The following PCDH11X variants were observed in gnomAD, a reference collection of about 807,000 sequenced individuals.
PCDH11X encodes protocadherin 11 X-linked.
In PCDH11X, 18 loss-of-function variants were observed where a neutral mutation model predicts 53.3. The ratio of observed to expected loss-of-function variants is 0.34; its 90% CI spans 0.23 to 0.50. The LOEUF (loss-of-function observed/expected upper bound fraction) is 0.50, where lower values mean the gene tolerates loss of function less well. PCDH11X is among the 20% of genes least tolerant of loss of function. The pLI is 0.98. For synonymous variants in PCDH11X, 279 were observed against 393.3 expected (o/e 0.71, Z 3.44); for missense variants, 570 against 1,032.4 (o/e 0.55, Z 6.14).
At chrX:91,907,980 T>C (rs1339232668) in intron 6 of PCDH11X, among the ~76,000 whole-genome samples, 3 of 111,924 alleles carry the variant, frequency 2.7e-5, no homozygotes, top group African/African-American at 6.5e-5. Context: ...TTTTTATGCC[T>C]GCATAGTGTT....
At chrX:92,293,578 G>A (rs764247213) in intron 8 of PCDH11X, among the ~76,000 whole-genome samples, 17 of 103,165 alleles carry the variant, frequency 1.6e-4, no homozygotes, top group African/African-American at 4.9e-4. Context: ...AGCCGAGATC[G>A]CGCCACTGCA....
chrX:92,547,060 A>G, intron 10 of PCDH11X, among the ~76,000 whole-genome samples: 1 of 108,320 alleles, frequency 9.2e-6, no homozygotes, highest in Non-Finnish European at 1.9e-5. Context: ...GCATGGACAT[A>G]TTTACTGCAC....
intron 6 of PCDH11X, among the ~76,000 whole-genome samples, chrX:92,061,699 G>A (rs2063526241): frequency 9.1e-6 from 1 of 110,326 alleles, no homozygotes; most frequent in Admixed American, 9.7e-5. Context: ...AGTTACTGTA[G>A]CCATATAGTA....
At chrX:91,938,462 G>T (rs1320758078) in intron 6 of PCDH11X, among the ~76,000 whole-genome samples, 2 of 106,551 alleles carry the variant, frequency 1.9e-5, no homozygotes, top group Admixed American at 1.0e-4. Context: ...AGATAATCCA[G>T]GTGGAGCCTG....
chrX:92,533,298 T>C (rs1390251444), intron 10 of PCDH11X, among the ~76,000 whole-genome samples: 2 of 111,106 alleles, frequency 1.8e-5, no homozygotes, highest in Non-Finnish European at 3.8e-5. Flanking sequence ...CTCTAGGAAG[T>C]TGAGGTCTAC....
chrX:92,438,998 A>G (rs965225260), intron 9 of PCDH11X, among the ~76,000 whole-genome samples: 3 of 111,444 alleles, frequency 2.7e-5, no homozygotes, highest in South Asian at 3.7e-4. Context: ...ACTTGGATGT[A>G]TATGTCATGA....
intron 10 of PCDH11X, among the ~76,000 whole-genome samples, chrX:92,599,297 A>C (rs1925978453): frequency 8.9e-6 from 1 of 111,844 alleles, no homozygotes; most frequent in Non-Finnish European, 1.9e-5. Context: ...AAAACATCTT[A>C]TGTGCTCTGA....
At chrX:92,027,344 C>T (rs2062983743) in intron 6 of PCDH11X, among the ~76,000 whole-genome samples, 1 of 111,308 alleles carries the variant, frequency 9.0e-6, no homozygotes, top group Non-Finnish European at 1.9e-5. Flanking sequence ...AATGCGTTTA[C>T]AGTAGCCAAA....
chrX:92,173,550 A>G (rs1219632201), intron 6 of PCDH11X, among the ~76,000 whole-genome samples: 2 of 109,492 alleles, frequency 1.8e-5, no homozygotes, highest in Non-Finnish European at 3.8e-5. Flanking sequence ...TGACTTCAAC[A>G]TACACCAGAG....
At chrX:92,364,861 C>G (rs1434571495) in intron 8 of PCDH11X, among the ~76,000 whole-genome samples, 2 of 94,925 alleles carry the variant, frequency 2.1e-5, no homozygotes, top group Non-Finnish European at 4.2e-5. Context: ...CAAGATTGCA[C>G]CTGTGAATAG....
At chrX:91,866,499 T>C (rs926061799) in intron 5 of PCDH11X, among the ~76,000 whole-genome samples, 2 of 111,292 alleles carry the variant, frequency 1.8e-5, no homozygotes, top group Non-Finnish European at 3.8e-5. Context: ...CTGGTATTTC[T>C]TTCTGCTCTA....
intron 8 of PCDH11X, among the ~76,000 whole-genome samples, chrX:92,379,562 T>C (rs1410053360): frequency 8.9e-6 from 1 of 111,968 alleles, no homozygotes; most frequent in African/African-American, 3.2e-5. Flanking sequence ...TCAGGAGGCA[T>C]AGAGGCTTCT....
intron 6 of PCDH11X, among the ~76,000 whole-genome samples, chrX:92,106,704 C>G (rs757296163): frequency 2.7e-5 from 3 of 111,862 alleles, no homozygotes; most frequent in African/African-American, 9.7e-5. Flanking sequence ...TGAATTAAGT[C>G]TATAGTTAAC....
intron 5 of PCDH11X, among the ~76,000 whole-genome samples, chrX:91,871,288 G>T (rs1005269944): frequency 1.8e-5 from 2 of 108,408 alleles, no homozygotes; most frequent in African/African-American, 6.7e-5. Flanking sequence ...TTGCATTCCT[G>T]TGGCCCAAAG....
At chrX:92,100,188 G>C (rs191807312) in intron 6 of PCDH11X, among the ~76,000 whole-genome samples, 3 of 111,139 alleles carry the variant, frequency 2.7e-5, no homozygotes, top group African/African-American at 6.5e-5. Flanking sequence ...AGGTACACAC[G>C]AAGAAGCCTT....
At chrX:92,586,977 C>CTTTTT (rs34675403) in intron 10 of PCDH11X, among the ~76,000 whole-genome samples, 3 of 72,935 alleles carry the variant, frequency 4.1e-5, no homozygotes, top group Admixed American at 1.8e-4. Flanking sequence ...ACACAGAAGC[C>CTTTTT]TTTTTTTTTT....
chrX:92,549,858 T>C (rs2074925108), intron 10 of PCDH11X, among the ~76,000 whole-genome samples: 1 of 111,628 alleles, frequency 9.0e-6, no homozygotes, highest in South Asian at 3.7e-4. Flanking sequence ...GGGTACATAG[T>C]GATGCTTTGA....
chrX:92,045,448 A>G (rs889400875), intron 6 of PCDH11X, among the ~76,000 whole-genome samples: 1 of 105,346 alleles, frequency 9.5e-6, no homozygotes, highest in Non-Finnish European at 1.9e-5. Context: ...GGTGTTTCAG[A>G]AATAAGAACA....
chrX:92,499,857 G>T (rs1051632301), intron 10 of PCDH11X, among the ~76,000 whole-genome samples: 5 of 105,591 alleles, frequency 4.7e-5, no homozygotes, highest in Admixed American at 2.1e-4. Context: ...ATGAATGAAA[G>T]AAAGAAAGAA....
Sources: allele counts gnomAD v4.1 joint callset (sites outside exome capture counted in the v4.1 genomes callset), GRCh38; gene constraint gnomAD v4.1.1; transcripts MANE v1.5; gene names NCBI Gene and HGNC (gene_info 2026-07-23, HGNC 2026-07-21).